The following PIEZO1 variants were observed in gnomAD, a reference collection of about 807,000 sequenced individuals.
PIEZO1 encodes piezo-type mechanosensitive ion channel component 1.
A neutral mutation model predicts 297.2 loss-of-function variants in PIEZO1; 296 were observed. That is an observed-to-expected ratio of 1.00 (90% CI 0.91 to 1.10). The LOEUF (loss-of-function observed/expected upper bound fraction) is 1.10, where lower values mean the gene tolerates loss of function less well. Among genes scored for constraint, PIEZO1 ranks in the 50% least tolerant of loss-of-function variants. The probability of loss-of-function intolerance (pLI) is 0.00; values close to 1 mark genes in which losing one functional copy is unlikely to be tolerated. For synonymous variants in PIEZO1, 2,427 were observed against 1,507.5 expected (o/e 1.61, Z -14.13); for missense variants, 5,018 against 3,455.5 (o/e 1.45, Z -11.34).
intron 11 of PIEZO1, 86 bp downstream of exon 11, chr16:88,736,553 C>G (rs999042498): frequency 9.4e-6 from 9 of 956,158 alleles, no homozygotes; most frequent in Non-Finnish European, 1.4e-5. Flanking sequence ...GGGGGCTGCA[C>G]AGCTGCCCAG....
At chr16:88,769,315 G>C (rs1389747392) in intron 1 of PIEZO1, among the ~76,000 whole-genome samples, 2 of 152,208 alleles carry the variant, frequency 1.3e-5, no homozygotes, top group Admixed American at 1.3e-4. Flanking sequence ...GCCTCCCAAA[G>C]TGCTGGGATT....
At chr16:88,734,094 C>T (rs1380015869) in intron 16 of PIEZO1, 40 bp from the exon 17 acceptor site, 1 of 1,472,814 alleles carries the variant, frequency 6.8e-7, no homozygotes, top group African/African-American at 1.4e-5. Context: ...CAACTGGGTT[C>T]CTGCCCCTCA....
At chr16:88,765,955 T>C (rs527544768) in intron 1 of PIEZO1, among the ~76,000 whole-genome samples, 1 of 152,146 alleles carries the variant, frequency 6.6e-6, no homozygotes, top group Admixed American at 6.5e-5. Flanking sequence ...GATACAGGTG[T>C]GAGCACTGCA....
intron 2 of PIEZO1, chr16:88,744,252 C>T (rs1048727534): frequency 6.5e-6 from 1 of 154,220 alleles, no homozygotes; most frequent in East Asian, 1.9e-4. Flanking sequence ...GAGTCCTGCT[C>T]GCTGCACCCT....
intron 1 of PIEZO1, among the ~76,000 whole-genome samples, chr16:88,751,959 G>A (rs1906412907): frequency 6.6e-6 from 1 of 152,214 alleles, no homozygotes; most frequent in Non-Finnish European, 1.5e-5. Flanking sequence ...CCGTGGCAGG[G>A]CACCTTAGTG....
rs1295678181 is a variant in PIEZO1 at position 88,738,608 on chromosome 16, C to T, written c.594G>A (p.Ala198=). ...FRVTAHWLLV[A]AGRVLAVTLL... is the part of the protein sequence containing the mutation. ...GTGTTACGGCCAGGACCCGCCCAGC[C>T]GCCACCAGCAGCCAGTGGGCCGTGA... Residue 198 remains alanine (A), a synonymous_variant, in exon 6 of 51, where the codon GCG becomes GCA. Coordinates refer to ENST00000301015, the MANE Select transcript of PIEZO1 (RefSeq NM_001142864.4). 7.8e-6 allele frequency: 12 copies of T among 1,535,496 alleles called. No homozygotes were observed. Among genetic ancestry groups the T allele is most frequent in the East Asian group, 4.9e-5 (2 of 40,928 alleles).
chr16:88,755,020 G>C lies in PIEZO1; in HGVS notation c.65-5541C>G, dbSNP rs760834672. Among the ~76,000 whole-genome samples, 59 of 152,366 alleles carry C rather than the reference G, an allele frequency of 3.9e-4. No individual in the cohort carries two copies. The Middle Eastern group carries it at 0.014, about 35-fold the overall frequency. ...CCCAGGGAGAGGAGAGGCCTAACCA[G>C]AGGGTGGACACACCTGCGGCCATCA... is the stretch of plus-strand genomic sequence containing the variant. On this transcript the variant is annotated intron_variant, in intron 1 of 50. Transcript: ENST00000301015.
chr16:88,722,852 T>C lies in PIEZO1; in HGVS notation c.4653A>G (p.Thr1551=), dbSNP rs1419468365. 1.3e-6 allele frequency: 2 copies of C among 1,546,936 alleles called. No individual in the cohort carries two copies. The highest frequency in any genetic ancestry group is 2.4e-5 in the South Asian group (2 of 84,042). ...GCAGGCTCACCTGCAGGAGCTCCTG[T>C]GTGAGGAGGTAGCGCTCTGCCCGCA... The part of the protein sequence containing the change: ...DVLRAERYLL[T]QELLQGGEVH... The change falls in exon 34 of 51, where the codon ACA becomes ACG. Residue 1551 remains threonine (T), a synonymous_variant. Transcript: ENST00000301015.
At position 88,737,954 on chromosome 16, in the gene PIEZO1, C is replaced by T. The variant is rs146582061; in HGVS notation, c.1000G>A (p.Ala334Thr). Reference sequence around the variant, plus strand: ...CTCACCTGGCCGGAGGGGCGGTACGCGCGGAGCTTGCGCAGAGAGGCCGTG... The same window carrying T: ...CTCACCTGGCCGGAGGGGCGGTACGTGCGGAGCTTGCGCAGAGAGGCCGTG... The part of the protein sequence containing the change: ...YATASLRKLR[A>T]YRPSGQRKEA... The change falls in exon 8 of 51, where the codon GCG (alanine) becomes ACG (threonine). Residue 334 changes from alanine to threonine, a missense_variant. Transcript: ENST00000301015. The T allele has an allele frequency of 4.5e-5, 69 of 1,531,914 alleles. No homozygotes were observed. Among genetic ancestry groups the T allele is most frequent in the South Asian group, 9.6e-5 (8 of 83,552 alleles). 94.9% of individuals were successfully genotyped at this position (1,531,914 alleles called of 1,614,324 possible). A position where few individuals can be genotyped will look rare whatever the true frequency, so the allele number is the denominator to read the frequency against.
Position 88,720,636 on chromosome 16 carries a change from C to A in PIEZO1, c.5781G>T (p.Leu1927=). 1.9e-6 allele frequency: 3 copies of A among 1,546,580 alleles called. No homozygotes were observed. Among genetic ancestry groups the A allele is most frequent in the Non-Finnish European group, 2.6e-6 (3 of 1,145,770 alleles). ...GGRVRAAGRR[L]QGFCLSLAQG... ...CTCACAGGGACAGGCAGAAGCCCTGCAGCCGCCGCCCGGCCGCCCTTACTC... is the reference window on the plus strand; with the variant it reads ...CTCACAGGGACAGGCAGAAGCCCTGAAGCCGCCGCCCGGCCGCCCTTACTC... The change falls in exon 40 of 51, where the codon CTG becomes CTT. Residue 1927 remains leucine, a synonymous_variant. Transcript: ENST00000301015.
chr16:88,749,496 G>C lies in PIEZO1; in HGVS notation c.65-17C>G, dbSNP rs149858134. On this transcript the variant is annotated splice_polypyrimidine_tract_variant and intron_variant, in intron 1 of 50. Coordinates refer to ENST00000301015, the MANE Select transcript of PIEZO1 (RefSeq NM_001142864.4). Reference sequence around the variant, plus strand: ...GCAGGCAGGCTGCGGGGAGATGGGCGTTAACTAGGTCGCCAACAGAGGATG... The same window carrying C: ...GCAGGCAGGCTGCGGGGAGATGGGCCTTAACTAGGTCGCCAACAGAGGATG... The C allele has an allele frequency of 2.9e-3, 4,418 of 1,516,718 alleles. 11 individuals carry two copies. Among genetic ancestry groups the C allele is most frequent in the Non-Finnish European group, 2.9e-3 (3,278 of 1,134,954 alleles). 94.0% of individuals were successfully genotyped at this position (1,516,718 alleles called of 1,614,324 possible). A position where few individuals can be genotyped will look rare whatever the true frequency, so the allele number is the denominator to read the frequency against.
rs1555561006 is a variant in PIEZO1, at chr16:88,757,331, G to GGGT, written c.65-7855_65-7853dup. Among the ~76,000 whole-genome samples the GGGT allele has an allele frequency of 1.4e-3, 165 of 117,306 alleles. 4 individuals carry two copies. The highest frequency in any genetic ancestry group is 6.6e-3 in the African/African-American group (156 of 23,472). The allele number at this position is 117,306 out of a possible 152,430, so 77.0% of individuals were successfully genotyped here. On this transcript the variant is annotated intron_variant, in intron 1 of 50. Transcript: ENST00000301015. ...GGGGCGTTGCTGGCGGGGGGGTGGGGGGTAGTTACCTAACCTGCCTGCTTT... is the reference window on the plus strand; with the variant it reads ...GGGGCGTTGCTGGCGGGGGGGTGGGGGGTGGTAGTTACCTAACCTGCCTGCTTT...
At position 88,737,644 on chromosome 16, in the gene PIEZO1, G is replaced by A. The variant is rs1276896138; in HGVS notation, c.1110C>T (p.His370=). 33 of 1,534,620 alleles carry A rather than the reference G, an allele frequency of 2.2e-5. No homozygotes were observed. Among genetic ancestry groups the A allele is most frequent in the East Asian group, 9.8e-5 (4 of 40,916 alleles). Residue 370 remains histidine (H), a splice_region_variant and synonymous_variant, in exon 10 of 51, where the codon CAC becomes CAT. Coordinates refer to ENST00000301015, the MANE Select transcript of PIEZO1 (RefSeq NM_001142864.4). The stretch of plus-strand genomic sequence containing the variant: ...CGGTGTCGGGTGCTGTGGGCACCAC[G>A]TGCTGTGGGCAAGCAGCGCTGAGCC... ...QWPQERESDQ[H]VVPTAPDTEA...
chr16:88,736,800 T>C, intron 10 of PIEZO1, 61 bp from the exon 11 acceptor site: 3 of 1,085,572 alleles, frequency 2.8e-6, no homozygotes, highest in East Asian at 5.3e-5. Context: ...CCACCCTGAC[T>C]ATGCCCTAAA....
chr16:88,746,199 GAGGATGGAGACTACACA>G, intron 2 of PIEZO1, among the ~76,000 whole-genome samples: 1 of 152,144 alleles, frequency 6.6e-6, no homozygotes, highest in Non-Finnish European at 1.5e-5. Flanking sequence ...TTTTGAGACA[GAGGATGGAGACTACACA>G]AGGCTGGCAG....
rs773795281 is a variant in PIEZO1 at position 88,738,034 on chromosome 16, C to T, written c.920G>A (p.Gly307Asp). ...GCTGGCATACACAGGCCAGTCCAGG[C>T]CGGTGTTGAGGACCAGCGCGTGGGG... ...SSPHALVLNT[G>D]LDWPVYASPG... is the part of the protein sequence containing the mutation. The change falls in exon 8 of 51, where the codon GGC becomes GAC. Residue 307 changes from glycine (G) to aspartate (D), a missense_variant. Transcript: ENST00000301015. The T allele has an allele frequency of 1.9e-5, 29 of 1,535,596 alleles. No homozygotes were observed. The African/African-American group carries it at 2.7e-4, about 14-fold the overall frequency.
intron 1 of PIEZO1, among the ~76,000 whole-genome samples, chr16:88,783,467 C>G (rs751897832): frequency 1.3e-4 from 20 of 152,232 alleles, no homozygotes; most frequent in Non-Finnish European, 2.5e-4. Flanking sequence ...GGAGGACACC[C>G]GCTCCCACTC....
In PIEZO1 at chr16:88,721,348, T is replaced by A; in HGVS notation, c.5486A>T (p.Glu1829Val). 1 of 1,548,444 alleles carries A rather than the reference T, an allele frequency of 6.5e-7. No individual in the cohort carries two copies. Among genetic ancestry groups the A allele is most frequent in the Non-Finnish European group, 8.7e-7 (1 of 1,146,818 alleles). ...GGTGGCCGCAGGCACCCCTGGCCCC[T>A]CCTCGGCTCCCTGCTCCTCCTCGCC... ...KSGEEEQGAE[E>V]GPGVPAATTE... The change falls in exon 39 of 51, where the codon GAG becomes GTG. Residue 1829 changes from glutamate (E) to valine (V), a missense_variant. Glu to Val is a moderately radical substitution (Grantham distance 121). Coordinates refer to ENST00000301015, the MANE Select transcript of PIEZO1 (RefSeq NM_001142864.4).
rs1302335450 is a variant in PIEZO1, at chr16:88,734,696, C to T, written c.1951G>A (p.Asp651Asn). 14 of 1,550,244 alleles carry T rather than the reference C, an allele frequency of 9.0e-6. No individual in the cohort carries two copies. The highest frequency in any genetic ancestry group is 1.4e-5 in the African/African-American group (1 of 73,060). Reference protein sequence around the residue: ...LIAVYTFQFQDFPAYWRNLTG... With the variant: ...LIAVYTFQFQNFPAYWRNLTG... ...AGGTTGCGCCAGTAGGCAGGGAAGT[C>T]CTGGAACTGGAAGGTGTAGACGGCG... is the stretch of plus-strand genomic sequence containing the variant. The change falls in exon 15 of 51, where the codon GAC becomes AAC. Residue 651 changes from aspartate to asparagine, a missense_variant. By Grantham distance (23) the Asp-to-Asn change is conservative. Coordinates refer to ENST00000301015, the MANE Select transcript of PIEZO1 (RefSeq NM_001142864.4).
Sources: allele counts gnomAD v4.1 joint callset (sites outside exome capture counted in the v4.1 genomes callset), GRCh38; gene constraint gnomAD v4.1.1; transcripts MANE v1.5; gene names NCBI Gene and HGNC (gene_info 2026-07-23, HGNC 2026-07-21).